NRXN1: variants seen among roughly 807,000 people sequenced by gnomAD.
NRXN1 encodes neurexin 1.
In NRXN1, 39 loss-of-function variants were observed where a neutral mutation model predicts 150.9. The ratio of observed to expected loss-of-function variants is 0.26; its 90% CI spans 0.20 to 0.34. NRXN1 has a LOEUF of 0.34. Among genes scored for constraint, NRXN1 ranks in the 10% least tolerant of loss-of-function variants. The probability of loss-of-function intolerance (pLI) is 1.00; values close to 1 mark genes in which losing one functional copy is unlikely to be tolerated. For synonymous variants in NRXN1, 924 were observed against 757.0 expected, an observed-to-expected ratio of 1.22 and a Z score of -3.62; for missense variants, 1,815 against 1,949.9, an observed-to-expected ratio of 0.93 and a Z score of 1.30.
chr2:50,003,269 T>A (rs995558288), intron 21 of NRXN1, among the ~76,000 whole-genome samples: 2 of 152,112 alleles, frequency 1.3e-5, no homozygotes, highest in Admixed American at 6.6e-5. Flanking sequence ...AATAGCTTGT[T>A]AAGATTATAG....
At chr2:50,684,418 C>T (rs1456464733) in intron 5 of NRXN1, among the ~76,000 whole-genome samples, 1 of 151,924 alleles carries the variant, frequency 6.6e-6, no homozygotes, top group Non-Finnish European at 1.5e-5. Context: ...GGGAAGATCT[C>T]TTGAGTCCAG....
chr2:50,922,713 A>T (rs1252060867), intron 3 of NRXN1, 26 bp from the exon 4 acceptor site: 1 of 1,608,890 alleles, frequency 6.2e-7, no homozygotes, highest in Admixed American at 1.7e-5. Context: ...GAGCACAGTC[A>T]GCAATAAACA....
chr2:50,987,207 A>T (rs961274332), intron 2 of NRXN1, among the ~76,000 whole-genome samples: 1 of 151,982 alleles, frequency 6.6e-6, no homozygotes, highest in Non-Finnish European at 1.5e-5. Flanking sequence ...ACTTATTAGT[A>T]AATAAACAAC....
In NRXN1 at chr2:50,836,212, C is replaced by T. The variant is rs543956127; in HGVS notation, c.832+85657G>A. ...CTTTTGTTTTGTTTAGGTTTTTAAT[C>T]GACAAATAATAATTTTACTTATTTA... On this transcript the variant is annotated intron_variant, in intron 5 of 22. Coordinates refer to ENST00000401669, the MANE Select transcript of NRXN1 (RefSeq NM_001330078.2). 1.4e-4 allele frequency among the ~76,000 whole-genome samples: 21 copies of T among 152,114 alleles called. 1 individual carries two copies. The South Asian group carries it at 2.3e-3, about 17-fold the overall frequency.
chr2:50,049,389 AT>A (rs2152616374), intron 21 of NRXN1, among the ~76,000 whole-genome samples: 1 of 152,244 alleles, frequency 6.6e-6, no homozygotes, highest in East Asian at 1.9e-4. Context: ...CAACCTACTT[AT>A]TTTACAGAGG....
intron 5 of NRXN1, among the ~76,000 whole-genome samples, chr2:50,763,640 G>T (rs1292390791): frequency 2.6e-4 from 40 of 151,810 alleles, no homozygotes; most frequent in Admixed American, 2.6e-3. Flanking sequence ...AAGGTGAAAG[G>T]AAGATGGTCA....
chr2:50,269,079 C>A (rs967306699), intron 17 of NRXN1, among the ~76,000 whole-genome samples: 3 of 151,748 alleles, frequency 2.0e-5, no homozygotes, highest in African/African-American at 4.9e-5. Context: ...TAGTGCAGAA[C>A]CCTCATTTTT....
At chr2:50,448,407 GA>G (rs1277380462) in intron 17 of NRXN1, among the ~76,000 whole-genome samples, 1 of 151,996 alleles carries the variant, frequency 6.6e-6, no homozygotes, top group Non-Finnish European at 1.5e-5. Context: ...AGAAAAGCAG[GA>G]AAAAAACGTG....
chr2:50,981,457 CAA>C (rs70958635), intron 2 of NRXN1, among the ~76,000 whole-genome samples: 199 of 23,256 alleles, frequency 8.6e-3, no homozygotes, highest in Middle Eastern at 0.077. Context: ...AACTCTATCT[CAA>C]AAAAAAAAAA....
At chr2:50,869,184 A>C (rs993569530) in intron 5 of NRXN1, among the ~76,000 whole-genome samples, 10 of 151,790 alleles carry the variant, frequency 6.6e-5, no homozygotes, top group African/African-American at 2.4e-4. Flanking sequence ...ATAATGAAGC[A>C]ATTAATAACA....
Position 50,448,448 on chromosome 2 carries a change from G to C in NRXN1, c.3364+16994C>G, listed in dbSNP as rs965923100. 2.6e-5 allele frequency among the ~76,000 whole-genome samples: 4 copies of C among 152,180 alleles called. No homozygotes were observed. The South Asian group carries it at 6.2e-4, about 24-fold the overall frequency. On this transcript the variant is annotated intron_variant, in intron 17 of 22. Transcript: ENST00000401669. ...AAGATAAGGAAACAAAGGGGCCCTC[G>C]GAGATGATAATGTTGCACAATGAGG...
intron 5 of NRXN1, among the ~76,000 whole-genome samples, chr2:50,885,775 A>T (rs554913926): frequency 2.9e-4 from 44 of 150,824 alleles, no homozygotes; most frequent in Admixed American, 6.0e-4. Context: ...ATAAGTTGAT[A>T]GGTGTCTTTT....
chr2:50,666,661 T>C (rs1243271423), intron 5 of NRXN1, among the ~76,000 whole-genome samples: 1 of 151,916 alleles, frequency 6.6e-6, no homozygotes, highest in Non-Finnish European at 1.5e-5. Context: ...GGGATGTTTA[T>C]ATGGCTGCTT....
rs1668017646 is a variant in NRXN1, at chr2:49,920,581, T to C, written c.*1363A>G. On this transcript the variant is annotated 3_prime_UTR_variant, in exon 23 of 23. Coordinates refer to ENST00000401669, the MANE Select transcript of NRXN1 (RefSeq NM_001330078.2). ...TCTCAATGAAGCAAATCACCCCATT[T>C]GTCATCAATACCTTGGCACAACCCT... 1 of 152,544 alleles carries C rather than the reference T, an allele frequency of 6.6e-6. No individual in the cohort carries two copies. 9.4% of individuals were successfully genotyped at this position (152,544 alleles called of 1,614,324 possible). A position where few individuals can be genotyped will look rare whatever the true frequency, so the allele number is the denominator to read the frequency against.
intron 22 of NRXN1, among the ~76,000 whole-genome samples, chr2:49,938,923 A>G (rs1671501362): frequency 6.6e-6 from 1 of 152,178 alleles, no homozygotes; most frequent in Non-Finnish European, 1.5e-5. Context: ...TACTGACATG[A>G]TTAAAGACCT....
At chr2:50,302,461 G>C (rs2074245514) in intron 17 of NRXN1, among the ~76,000 whole-genome samples, 1 of 152,094 alleles carries the variant, frequency 6.6e-6, no homozygotes, top group Admixed American at 6.6e-5. Context: ...GACAGTTATA[G>C]ATTACAAAGT....
chr2:50,132,406 C>G (rs568261235), intron 18 of NRXN1, among the ~76,000 whole-genome samples: 1 of 150,848 alleles, frequency 6.6e-6, no homozygotes, highest in Non-Finnish European at 1.5e-5. Context: ...CCTGTGTTCA[C>G]GCCATTCTCC....
At chr2:50,324,386 G>T (rs969536056) in intron 17 of NRXN1, among the ~76,000 whole-genome samples, 14 of 152,196 alleles carry the variant, frequency 9.2e-5, no homozygotes, top group Non-Finnish European at 1.5e-5. Context: ...AAGCCAAGAT[G>T]ATAGAGTCAA....
At chr2:50,320,145 C>G (rs1323308315) in intron 17 of NRXN1, among the ~76,000 whole-genome samples, 2 of 151,520 alleles carry the variant, frequency 1.3e-5, no homozygotes, top group East Asian at 3.9e-4. Flanking sequence ...CCACAGCCTT[C>G]TAACATCATC....
Sources: gnomAD v4.1 joint callset for allele counts (sites outside exome capture counted in the v4.1 genomes callset) on GRCh38, gnomAD v4.1.1 for gene constraint, MANE v1.5 for transcripts, NCBI Gene and HGNC (gene_info 2026-07-23, HGNC 2026-07-21) for gene names.